The following ALMS1 variants were observed in gnomAD, a reference collection of about 807,000 sequenced individuals.
ALMS1 encodes ALMS1 centrosome and basal body associated protein.
In ALMS1, 271 loss-of-function variants were observed where a neutral mutation model predicts 352.2. The observed-to-expected ratio is 0.77, with a 90% CI of 0.70 to 0.85. The LOEUF is 0.85. ALMS1 is among the 40% of genes least tolerant of loss of function. ALMS1 has a pLI of 0.00. For synonymous variants in ALMS1, 1,865 were observed against 1,761.2 expected, an observed-to-expected ratio of 1.06 and a Z score of -1.48; for missense variants, 5,445 against 4,870.7, an observed-to-expected ratio of 1.12 and a Z score of -3.51.
At chr2:73,423,311 T>G (rs1318929945) in intron 4 of ALMS1, among the ~76,000 whole-genome samples, 1 of 152,174 alleles carries the variant, frequency 6.6e-6, no homozygotes, top group African/African-American at 2.4e-5. Context: ...CCTCTCACCC[T>G]TATTCTGCAA....
intron 11 of ALMS1, among the ~76,000 whole-genome samples, chr2:73,523,454 A>C (rs1431356337): frequency 6.6e-6 from 1 of 152,098 alleles, no homozygotes; most frequent in African/African-American, 2.4e-5. Flanking sequence ...ATGGTGACAC[A>C]GTTCTAAGTA....
intron 15 of ALMS1, among the ~76,000 whole-genome samples, chr2:73,568,431 A>C (rs967835716): frequency 6.6e-6 from 1 of 152,220 alleles, no homozygotes; most frequent in African/African-American, 2.4e-5. Flanking sequence ...AAACGCACAA[A>C]CAAATGTTCA....
intron 16 of ALMS1, among the ~76,000 whole-genome samples, chr2:73,586,439 G>C (rs1177236164): frequency 6.6e-6 from 1 of 152,112 alleles, no homozygotes. Flanking sequence ...TGAGAGATGA[G>C]GATCCAGTTT....
chr2:73,395,032 A>G (rs1670727334), intron 1 of ALMS1, among the ~76,000 whole-genome samples: 1 of 136,622 alleles, frequency 7.3e-6, no homozygotes, highest in South Asian at 2.2e-4. Flanking sequence ...ATATGTGTAT[A>G]TATATGTGTG....
chr2:73,491,504 T>A lies in ALMS1; in HGVS notation c.9539+6T>A. 1 of 1,613,646 alleles carries A rather than the reference T, an allele frequency of 6.2e-7. No homozygotes were observed. Among genetic ancestry groups the A allele is most frequent in the Non-Finnish European group, 8.5e-7 (1 of 1,179,852 alleles). ...ACCCCAGTATTTGCAGATCGGTGAG[T>A]CTCATTGTGATAACAAGCAAGCTGG... On this transcript the variant is annotated splice_donor_region_variant and intron_variant, in intron 10 of 22. Coordinates refer to ENST00000613296, the MANE Select transcript of ALMS1 (RefSeq NM_001378454.1).
intron 12 of ALMS1, among the ~76,000 whole-genome samples, chr2:73,545,849 A>G (rs1674304217): frequency 6.6e-6 from 1 of 152,246 alleles, no homozygotes; most frequent in South Asian, 2.1e-4. Flanking sequence ...ATGACTACGG[A>G]AGAATATGTA....
At chr2:73,463,314 A>T (rs1022276439) in intron 9 of ALMS1, among the ~76,000 whole-genome samples, 3 of 152,250 alleles carry the variant, frequency 2.0e-5, no homozygotes, top group African/African-American at 7.2e-5. Flanking sequence ...AAACCGCTCA[A>T]CTACCTGGAA....
intron 6 of ALMS1, 21 bp downstream of exon 6, chr2:73,426,574 A>G (rs777425508): frequency 1.2e-6 from 2 of 1,609,494 alleles, no homozygotes; most frequent in Non-Finnish European, 1.7e-6. Context: ...ATAAAATGAT[A>G]GTTGTAAGAA....
At chr2:73,506,347 G>A (rs939187650) in intron 10 of ALMS1, among the ~76,000 whole-genome samples, 2 of 152,112 alleles carry the variant, frequency 1.3e-5, no homozygotes, top group Non-Finnish European at 2.9e-5. Context: ...AGCTTGATGA[G>A]GATAGCATTG....
chr2:73,518,115 CT>C (rs1230387686), intron 10 of ALMS1, among the ~76,000 whole-genome samples: 1 of 151,574 alleles, frequency 6.6e-6, no homozygotes, highest in African/African-American at 2.4e-5. Context: ...TTTGTCTCCC[CT>C]GTCCCTCCAC....
chr2:73,484,094 G>A (rs1011591190), intron 9 of ALMS1, among the ~76,000 whole-genome samples: 3 of 151,716 alleles, frequency 2.0e-5, no homozygotes, highest in African/African-American at 4.9e-5. Context: ...ATATTGTTAT[G>A]TGTGAATTTG....
At chr2:73,562,468 A>C (rs570125575) in intron 15 of ALMS1, among the ~76,000 whole-genome samples, 3 of 152,354 alleles carry the variant, frequency 2.0e-5, no homozygotes, top group East Asian at 3.9e-4. Flanking sequence ...ACAGAAAAAA[A>C]CAAGTAGAAA....
intron 5 of ALMS1, among the ~76,000 whole-genome samples, chr2:73,425,708 C>T (rs906227206): frequency 1.3e-5 from 2 of 152,114 alleles, no homozygotes; most frequent in Non-Finnish European, 2.9e-5. Flanking sequence ...CCAGATCTTT[C>T]TCCATTAAAT....
chr2:73,465,148 A>C (rs1672303461), intron 9 of ALMS1, among the ~76,000 whole-genome samples: 1 of 150,494 alleles, frequency 6.6e-6, no homozygotes, highest in African/African-American at 2.5e-5. Flanking sequence ...TTTAAAGTTC[A>C]TATGGAACCA....
chr2:73,561,565 C>T (rs530940907), intron 15 of ALMS1, among the ~76,000 whole-genome samples: 2 of 151,916 alleles, frequency 1.3e-5, no homozygotes, highest in Admixed American at 1.3e-4. Context: ...AGTGATTGCC[C>T]AGGCTTGTGA....
intron 10 of ALMS1, among the ~76,000 whole-genome samples, chr2:73,516,315 C>T (rs965169218): frequency 3.9e-5 from 6 of 151,970 alleles, no homozygotes; most frequent in African/African-American, 1.5e-4. Flanking sequence ...GGTGAGGTTG[C>T]AGAAGAAAGG....
At chr2:73,420,157 A>C (rs542507309) in intron 3 of ALMS1, among the ~76,000 whole-genome samples, 1 of 152,228 alleles carries the variant, frequency 6.6e-6, no homozygotes, top group Non-Finnish European at 1.5e-5. Context: ...TATGCTAAAA[A>C]GGAAGCAACT....
chr2:73,428,949 C>T (rs1364698117), intron 6 of ALMS1, among the ~76,000 whole-genome samples: 2 of 151,988 alleles, frequency 1.3e-5, no homozygotes, highest in African/African-American at 4.8e-5. Flanking sequence ...TTTGGGTATC[C>T]ACGTATGTAT....
intron 16 of ALMS1, among the ~76,000 whole-genome samples, chr2:73,590,478 C>A (rs1203657244): frequency 6.6e-6 from 1 of 152,032 alleles, no homozygotes; most frequent in East Asian, 1.9e-4. Flanking sequence ...TTGAACTTAA[C>A]AACTATAATT....
Sources: allele counts gnomAD v4.1 joint callset (sites outside exome capture counted in the v4.1 genomes callset), GRCh38; gene constraint gnomAD v4.1.1; transcripts MANE v1.5; gene names NCBI Gene and HGNC (gene_info 2026-07-23, HGNC 2026-07-21).